The following CCDC120 variants were observed in gnomAD, a reference collection of about 807,000 sequenced individuals.
CCDC120 encodes the protein coiled-coil domain containing 120, also known as coiled-coil domain-containing protein 120.
A neutral mutation model predicts 37.6 loss-of-function variants in CCDC120; 16 were observed. The ratio of observed to expected loss-of-function variants is 0.43; its 90% CI spans 0.29 to 0.65. The LOEUF (loss-of-function observed/expected upper bound fraction) is 0.65. Among genes scored for constraint, CCDC120 ranks in the 30% least tolerant of loss-of-function variants. The pLI is 0.18. For synonymous variants in CCDC120, 309 were observed against 275.4 expected (o/e 1.12, Z -1.21); for missense variants, 650 against 657.4 (o/e 0.99, Z 0.12).
chrX:49,061,030 C>T (rs1349746470), intron 1 of CCDC120, among the ~76,000 whole-genome samples: 1 of 111,598 alleles, frequency 9.0e-6, no homozygotes, highest in Non-Finnish European at 1.9e-5. Flanking sequence ...TGATGTCACT[C>T]AGCTGCCCAG....
chrX:49,059,901 C>T (rs1485885519), intron 1 of CCDC120, among the ~76,000 whole-genome samples: 1 of 111,247 alleles, frequency 9.0e-6, no homozygotes, highest in African/African-American at 3.3e-5. Flanking sequence ...GCCATCTGGG[C>T]GGGGATGAGG....
intron 9 of CCDC120, chrX:49,066,590 G>C (rs2064956026): frequency 8.9e-6 from 1 of 112,012 alleles, no homozygotes; most frequent in African/African-American, 3.3e-5. Context: ...TTTTACTCTA[G>C]AGTCCATGCT....
chrX:49,068,186 T>G, intron 10 of CCDC120, 96 bp downstream of exon 10: 3 of 1,114,219 alleles, frequency 2.7e-6, no homozygotes, highest in Non-Finnish European at 3.5e-6. Flanking sequence ...AGCTAATGAA[T>G]TGGACCATGA....
In CCDC120 at chrX:49,061,526, T is replaced by C. The variant is rs185197977; in HGVS notation, c.-83-433T>C. On this transcript the variant is annotated intron_variant, in intron 1 of 10. Transcript: ENST00000603986. ...ATGTTCCAGGAGGCACAATCTCTTG[T>C]TGGACAACCGTTTGTGAGAGGATAT... 1.1e-3 allele frequency among the ~76,000 whole-genome samples: 127 copies of C among 112,803 alleles called. 1 individual carries two copies. Among genetic ancestry groups the C allele is most frequent in the African/African-American group, 3.9e-3 (121 of 31,115 alleles).
intron 9 of CCDC120, chrX:49,066,819 G>GCCGAT: frequency 4.6e-6 from 1 of 217,793 alleles, no homozygotes; most frequent in Non-Finnish European, 8.3e-6. Context: ...GGCCGTGCGA[G>GCCGAT]CCATGAGAAC....
chrX:49,057,887 G>A (rs893935732), upstream of CCDC120, among the ~76,000 whole-genome samples: 1 of 111,518 alleles, frequency 9.0e-6, no homozygotes, highest in African/African-American at 3.3e-5. Flanking sequence ...GGTGGTGGGC[G>A]GGGTGAGGGG....
intron 1 of CCDC120, chrX:49,053,922 G>C (rs1024062239): frequency 1.8e-5 from 2 of 113,061 alleles, no homozygotes; most frequent in Admixed American, 1.8e-4. Context: ...GGGACAGGGT[G>C]GGGTGAAGGC....
intron 5 of CCDC120, 87 bp from the exon 6 acceptor site, chrX:49,064,283 G>A (rs2064924016): frequency 5.0e-6 from 5 of 992,023 alleles, no homozygotes; most frequent in Middle Eastern, 3.9e-4. Flanking sequence ...TGAATAGGCT[G>A]CAGGAAGTGC....
upstream of CCDC120, among the ~76,000 whole-genome samples, chrX:49,055,104 A>G (rs183734829): frequency 5.5e-4 from 62 of 112,003 alleles, no homozygotes; most frequent in African/African-American, 1.8e-3. Context: ...GATCTCCCCT[A>G]TCCCCACCCT....
Position 49,064,490 on chromosome X carries a change from G to A in CCDC120, c.550G>A (p.Val184Ile). ...CGAGCAGCGCCGGCGCCGGCGCCAGGTCCAGGCAGATGCACTGAGGAGGCT... is the reference window on the plus strand; with the variant it reads ...CGAGCAGCGCCGGCGCCGGCGCCAGATCCAGGCAGATGCACTGAGGAGGCT... ...STEQRRRRRQ[V>I]QADALRRLHE... The change falls in exon 6 of 11, where the codon GTC (valine) becomes ATC (isoleucine). Residue 184 changes from valine to isoleucine, a missense_variant. Physicochemically the swap from Val to Ile is conservative, Grantham distance 29 (BLOSUM62 3). Coordinates refer to ENST00000603986, the MANE Select transcript of CCDC120 (RefSeq NM_001163321.4). 1 of 1,184,963 alleles carries A rather than the reference G, an allele frequency of 8.4e-7. No individual in the cohort carries two copies. Among genetic ancestry groups the A allele is most frequent in the Non-Finnish European group, 1.1e-6 (1 of 882,500 alleles).
intron 9 of CCDC120, chrX:49,066,916 A>G (rs782122690): frequency 6.1e-4 from 224 of 367,756 alleles, no homozygotes; most frequent in Admixed American, 8.6e-4. Context: ...GAGTCCCTAC[A>G]CAGATTTACA....
chrX:49,061,888 C>T (rs782593227), intron 1 of CCDC120, 71 bp from the exon 2 acceptor site: 1 of 1,025,041 alleles, frequency 9.8e-7, no homozygotes, highest in South Asian at 2.4e-5. Context: ...GTTGCAGGCA[C>T]CCAGGTGTTG....
Position 49,068,488 on chromosome X carries a change from T to G in CCDC120, c.1977-56T>G, listed in dbSNP as rs2064986688. 5 of 1,050,238 alleles carry G rather than the reference T, an allele frequency of 4.8e-6. No homozygotes were observed. The East Asian group carries it at 1.5e-4, about 32-fold the overall frequency. 86.6% of individuals were successfully genotyped at this position (1,050,238 alleles called of 1,213,427 possible). A position where few individuals can be genotyped will look rare whatever the true frequency, so the allele number is the denominator to read the frequency against. On this transcript the variant is annotated intron_variant, in intron 10 of 10. Coordinates refer to ENST00000603986, the MANE Select transcript of CCDC120 (RefSeq NM_001163321.4). ...TCTTTTTCTGTGTCTTGTCTGTCTT[T>G]TCTTCTTCTTGTCTTCCCCGCCCTG...
At chrX:49,055,110 A>G (rs1557078204), upstream of CCDC120, among the ~76,000 whole-genome samples, 1 of 111,664 alleles carries the variant, frequency 9.0e-6, no homozygotes, top group East Asian at 2.8e-4. Context: ...CCCTATCCCC[A>G]CCCTAGTGAT....
chrX:49,062,947 C>G (rs2064904482), intron 4 of CCDC120, among the ~76,000 whole-genome samples: 1 of 111,916 alleles, frequency 8.9e-6, no homozygotes, highest in Non-Finnish European at 1.9e-5. Context: ...GTAATCCCAG[C>G]ACTTTGGGAG....
At position 49,064,416 on chromosome X, in the gene CCDC120, AGATCGCGGCGGCCGCCCG is replaced by A. The variant is rs1414548004; in HGVS notation, c.477_494del (p.Gln159_Arg165delinsHis). 1 of 1,176,261 alleles carries A rather than the reference AGATCGCGGCGGCCGCCCG, an allele frequency of 8.5e-7. No homozygotes were observed. Among genetic ancestry groups the A allele is most frequent in the African/African-American group, 1.8e-5 (1 of 56,356 alleles). On this transcript the variant is annotated inframe_deletion, in exon 6 of 11. Coordinates refer to ENST00000603986, the MANE Select transcript of CCDC120 (RefSeq NM_001163321.4). ...GAACGCGAGGTGTCAGTGCAACAGC[AGATCGCGGCGGCCGCCCG>A]CCGCCTGGCCTTGGCCCCTGATCTG...
rs782011731 is a variant in CCDC120, at chrX:49,067,385, C to T, written c.1271C>T (p.Pro424Leu). The T allele has an allele frequency of 1.7e-6, 2 of 1,195,781 alleles. No homozygotes were observed. Among genetic ancestry groups the T allele is most frequent in the African/African-American group, 1.8e-5 (1 of 56,969 alleles). The change falls in exon 10 of 11, where the codon CCA (proline) becomes CTA (leucine). Residue 424 changes from proline to leucine, a missense_variant. Physicochemically the swap from Pro to Leu is moderately conservative, Grantham distance 98. Transcript: ENST00000603986. ...CTGGCTCCCTCTGCCTCTGGCCCCC[C>T]AGTCTGCAAGAGCAGTGAGGTGCTG... The part of the protein sequence containing the change: ...APLAPSASGP[P>L]VCKSSEVLYE...
chrX:49,064,682 A>C lies in CCDC120; in HGVS notation c.724+18A>C. 1 of 1,154,568 alleles carries C rather than the reference A, an allele frequency of 8.7e-7. No homozygotes were observed. The highest frequency in any genetic ancestry group is 1.8e-5 in the African/African-American group (1 of 56,761). On this transcript the variant is annotated intron_variant, in intron 6 of 10. Coordinates refer to ENST00000603986, the MANE Select transcript of CCDC120 (RefSeq NM_001163321.4). The stretch of plus-strand genomic sequence containing the variant: ...CAGCCAAGGTGAGCATCCCCTGGTG[A>C]GGGTGGGAGAGTGGACACTGGCAAA...
chrX:49,066,962 C>T (rs781894715), intron 9 of CCDC120: 33 of 417,327 alleles, frequency 7.9e-5, no homozygotes, highest in East Asian at 3.1e-4. Context: ...GCCTCCCCCA[C>T]GCATTTCTAC....
Sources: gnomAD v4.1 joint callset for allele counts (sites outside exome capture counted in the v4.1 genomes callset) on GRCh38, gnomAD v4.1.1 for gene constraint, MANE v1.5 for transcripts, NCBI Gene and HGNC (gene_info 2026-07-23, HGNC 2026-07-21) for gene names.